Variants in KIF18B observed in about 807,000 individuals in gnomAD.
KIF18B encodes kinesin-like protein KIF18B.
KIF18B carries 49 observed loss-of-function variants against 80.9 expected under a neutral mutation model. That is an observed-to-expected ratio of 0.61 (90% confidence interval 0.48 to 0.77). KIF18B has a LOEUF of 0.77. KIF18B is among the 30% of genes least tolerant of loss of function. The probability of loss-of-function intolerance (pLI) is 0.00; values close to 1 mark genes in which losing one functional copy is unlikely to be tolerated. For synonymous variants in KIF18B, 439 were observed against 463.9 expected (o/e 0.95, Z 0.69); for missense variants, 994 against 1,127.7 (o/e 0.88, Z 1.70).
Position 44,932,176 on chromosome 17 carries a change from C to A in KIF18B, c.1269G>T (p.Gly423=), listed in dbSNP as rs1385032617. The change falls in exon 10 of 16, where the codon GGG becomes GGT. Residue 423 remains glycine, a synonymous_variant. Transcript: ENST00000593135. Reference sequence around the variant, plus strand: ...GACTCTCCTCTTGAAGGGCTCTAGGCCCTGCAGGGAGCTCTGGGGTGCAGG... The same window carrying A: ...GACTCTCCTCTTGAAGGGCTCTAGGACCTGCAGGGAGCTCTGGGGTGCAGG... ...HQPCTPELPA[G]PRALQEESLG... is the part of the protein sequence containing the mutation. The A allele has an allele frequency of 1.2e-6, 2 of 1,612,716 alleles. No homozygotes were observed. Among genetic ancestry groups the A allele is most frequent in the Admixed American group, 1.7e-5 (1 of 59,886 alleles).
At chr17:44,929,284 C>T (rs2052100338) in intron 11 of KIF18B, among the ~76,000 whole-genome samples, 1 of 152,218 alleles carries the variant, frequency 6.6e-6, no homozygotes, top group Non-Finnish European at 1.5e-5. Context: ...ACTAAACACG[C>T]CCCATGACAA....
Position 44,928,189 on chromosome 17 carries a change from C to T in KIF18B, c.2113G>A (p.Ala705Thr), listed in dbSNP as rs200684437. ...IKSRVPLGPS[A>T]MQNCSTPLAL... The stretch of plus-strand genomic sequence containing the variant: ...AGCGGGGTGGAGCAGTTCTGCATGG[C>T]GGAAGGGCCCAGGGGCACCCGGCTT... The change falls in exon 13 of 16, where the codon GCC (alanine) becomes ACC (threonine). Residue 705 changes from alanine (A) to threonine (T), a missense_variant. By Grantham distance (58) the Ala-to-Thr change is moderately conservative. Transcript: ENST00000593135. The T allele has an allele frequency of 3.1e-3, 4,920 of 1,611,614 alleles. 11 individuals carry two copies. The highest frequency in any genetic ancestry group is 3.7e-3 in the Non-Finnish European group (4,404 of 1,178,730).
chr17:44,932,405 T>C (rs1567790507), intron 9 of KIF18B, 199 bp from the exon 10 acceptor site: 15 of 622,418 alleles, frequency 2.4e-5, no homozygotes, highest in Middle Eastern at 4.4e-4. Context: ...AGGGATTTTC[T>C]GGTTTGAGAG....
chr17:44,935,206 T>C, intron 3 of KIF18B, 53 bp downstream of exon 3: 1 of 1,513,280 alleles, frequency 6.6e-7, no homozygotes, highest in South Asian at 1.3e-5. Context: ...CCCCATGGGC[T>C]CACTTCCCCC....
At chr17:44,941,556 C>G (rs1346793864) in intron 1 of KIF18B, among the ~76,000 whole-genome samples, 1 of 152,124 alleles carries the variant, frequency 6.6e-6, no homozygotes, top group African/African-American at 2.4e-5. Flanking sequence ...CCAGGCTGGT[C>G]TCGCACCCCT....
Position 44,927,077 on chromosome 17 carries a change from C to A in KIF18B, c.2278G>T (p.Ala760Ser). ...SRLDQPFIPR[A>S]PVPLFTMKGP... ...TTCATGGTGAACAGGGGCACAGGTG[C>A]CCTGGGGAGGGAGGACAGGGAAGGA... The change falls in exon 14 of 16, where the codon GCA (alanine) becomes TCA (serine). Residue 760 changes from alanine to serine, a missense_variant and splice_region_variant. Physicochemically the swap from Ala to Ser is moderately conservative, Grantham distance 99 (BLOSUM62 1). Coordinates refer to ENST00000593135, the MANE Select transcript of KIF18B (RefSeq NM_001265577.2). The surrounding 1 kb of genome is among the most constrained non-coding windows in gnomAD (Gnocchi z 4.1). 3 of 1,607,584 alleles carry A rather than the reference C, an allele frequency of 1.9e-6. No homozygotes were observed. Among genetic ancestry groups the A allele is most frequent in the Non-Finnish European group, 2.5e-6 (3 of 1,176,782 alleles).
intron 10 of KIF18B, 30 bp downstream of exon 10, chr17:44,932,020 CTCCCGA>C (rs2052161656): frequency 6.3e-7 from 1 of 1,579,850 alleles, no homozygotes; most frequent in South Asian, 1.2e-5. Context: ...GCTCCAAGCC[CTCCCGA>C]TACCCAGGCC....
At position 44,928,011 on chromosome 17, in the gene KIF18B, G is replaced by A. The variant is rs759643023; in HGVS notation, c.2276+15C>T. 6.0e-6 allele frequency: 9 copies of A among 1,511,892 alleles called. No homozygotes were observed. Among genetic ancestry groups the A allele is most frequent in the Non-Finnish European group, 8.0e-6 (9 of 1,130,678 alleles). The allele number at this position is 1,511,892 out of a possible 1,614,324, so 93.7% of individuals were successfully genotyped here. A position where few individuals can be genotyped will look rare whatever the true frequency, so the allele number is the denominator to read the frequency against. On this transcript the variant is annotated intron_variant, in intron 13 of 15. Coordinates refer to ENST00000593135, the MANE Select transcript of KIF18B (RefSeq NM_001265577.2). ...ACCACTGACAGGAGGGGTGGAGCGAGACTGGGAGACCCACCTGGGGATGAA... is the reference window on the plus strand; with the variant it reads ...ACCACTGACAGGAGGGGTGGAGCGAAACTGGGAGACCCACCTGGGGATGAA...
chr17:44,932,722 G>T lies in KIF18B; in HGVS notation c.1189C>A (p.Pro397Thr). Residue 397 changes from proline (P) to threonine (T), a missense_variant, in exon 9 of 16, where the codon CCA (proline) becomes ACA (threonine). Physicochemically the swap from Pro to Thr is conservative, Grantham distance 38. Transcript: ENST00000593135. ...LQVYEGGGQP[P>T]PQDLPGSPKS... ...GGAGATCCTGGGAGGTCCTGTGGTGGGGGCTGGCCTCCCCCCTCATACACT... is the reference window on the plus strand; with the variant it reads ...GGAGATCCTGGGAGGTCCTGTGGTGTGGGCTGGCCTCCCCCCTCATACACT... 6.2e-7 allele frequency: 1 copy of T among 1,613,144 alleles called. No homozygotes were observed. Among genetic ancestry groups the T allele is most frequent in the Non-Finnish European group, 8.5e-7 (1 of 1,179,748 alleles).
At chr17:44,945,887 C>T (rs1187200005) in intron 1 of KIF18B, among the ~76,000 whole-genome samples, 14 of 135,672 alleles carry the variant, frequency 1.0e-4, no homozygotes, top group Admixed American at 9.1e-4. Context: ...GCCTGGGCAA[C>T]GAGGGAAATT....
chr17:44,944,597 A>G (rs541161649), intron 1 of KIF18B, among the ~76,000 whole-genome samples: 7 of 152,286 alleles, frequency 4.6e-5, no homozygotes, highest in South Asian at 2.1e-4. Flanking sequence ...AATAGACCCA[A>G]TATGTTTTCT....
At chr17:44,936,873 A>G (rs1025254497) in intron 1 of KIF18B, among the ~76,000 whole-genome samples, 1 of 150,486 alleles carries the variant, frequency 6.6e-6, no homozygotes, top group Non-Finnish European at 1.5e-5. Flanking sequence ...CGAACTCCTG[A>G]CCTCATGATT....
intron 7 of KIF18B, 108 bp downstream of exon 7, chr17:44,933,815 C>G (rs1229023308): frequency 9.0e-7 from 1 of 1,112,316 alleles, no homozygotes; most frequent in Non-Finnish European, 1.3e-6. Context: ...CTTCCTCTGC[C>G]TTGGGGACAC....
At position 44,931,648 on chromosome 17, in the gene KIF18B, C is replaced by T. The variant is rs769795016; in HGVS notation, c.1471G>A (p.Val491Met). 7.0e-5 allele frequency: 113 copies of T among 1,613,886 alleles called. No individual in the cohort carries two copies. Among genetic ancestry groups the T allele is most frequent in the Middle Eastern group, 1.6e-4 (1 of 6,084 alleles). ...PRLTLQPKPVVGHFSARELDG... is the reference protein window; with the variant it reads ...PRLTLQPKPVMGHFSARELDG... Reference sequence around the variant, plus strand: ...AGTTCCCGTGCTGAGAAGTGGCCCACGACTGGCTTGGGCTGCAGGGTCAGG... The same window carrying T: ...AGTTCCCGTGCTGAGAAGTGGCCCATGACTGGCTTGGGCTGCAGGGTCAGG... Residue 491 changes from valine (V) to methionine (M), a missense_variant, in exon 11 of 16, where the codon GTG becomes ATG. Physicochemically the swap from Val to Met is conservative, Grantham distance 21 (BLOSUM62 1). Coordinates refer to ENST00000593135, the MANE Select transcript of KIF18B (RefSeq NM_001265577.2).
At chr17:44,926,303 G>A in intron 15 of KIF18B, 111 bp downstream of exon 15, 1 of 1,566,490 alleles carries the variant, frequency 6.4e-7, no homozygotes, top group Non-Finnish European at 8.7e-7. Context: ...GAGATGCTTG[G>A]CAATACCCTA....
rs1227107461 is a variant in KIF18B, at chr17:44,926,233, A to G, written c.2453-47T>C. On this transcript the variant is annotated intron_variant, in intron 15 of 15. Transcript: ENST00000593135. ...GGCGGGGAGTGCAGCGAGGAAGGAA[A>G]GTGACGCTCTGTCCCCGTCCTCCAG... 4 of 1,610,096 alleles carry G rather than the reference A, an allele frequency of 2.5e-6. No homozygotes were observed. In the East Asian group the frequency reaches 8.9e-5, roughly 36 times the overall value.
rs749196600 is a variant in KIF18B, at chr17:44,928,220, G to GAGCAA, written c.2081_2082insTTGCT (p.Ile695CysfsTer57). 10 of 1,613,112 alleles carry GAGCAA rather than the reference G, an allele frequency of 6.2e-6. No homozygotes were observed. The highest frequency in any genetic ancestry group is 8.5e-6 in the Non-Finnish European group (10 of 1,179,474). The stretch of plus-strand genomic sequence containing the variant: ...GGCCCAGGGGCACCCGGCTTTTGAT[G>GAGCAA]ACTGTGGCTGGGCAAACGCGAGGGG... On this transcript the variant is annotated frameshift_variant, in exon 13 of 16. Transcript: ENST00000593135. LOFTEE classifies it high-confidence loss of function.
chr17:44,928,644 A>C, intron 12 of KIF18B, 66 bp from the exon 13 acceptor site: 1 of 1,419,762 alleles, frequency 7.0e-7, no homozygotes, highest in Non-Finnish European at 9.2e-7. Context: ...GAAGGAGCCC[A>C]TAACCCCTCA....
intron 10 of KIF18B, 38 bp downstream of exon 10, chr17:44,932,018 C>A (rs1269382214): frequency 1.9e-6 from 3 of 1,576,988 alleles, no homozygotes; most frequent in South Asian, 1.2e-5. Context: ...CAGCTCCAAG[C>A]CCTCCCGATA....
Sources: allele counts gnomAD v4.1 joint callset (sites outside exome capture counted in the v4.1 genomes callset), GRCh38; gene constraint gnomAD v4.1.1; non-coding constraint Gnocchi (gnomAD v3.1); transcripts MANE v1.5; gene names NCBI Gene and HGNC (gene_info 2026-07-23, HGNC 2026-07-21).